Variants in GLIS3 observed in about 807,000 individuals in gnomAD.
GLIS3 encodes the protein zinc finger protein GLIS3.
A neutral mutation model predicts 78.6 loss-of-function variants in GLIS3; 53 were observed. That is an observed-to-expected ratio of 0.67 (90% CI 0.54 to 0.85). GLIS3 has a LOEUF of 0.85. GLIS3 is among the 40% of genes least tolerant of loss of function. GLIS3 has a pLI of 0.00. For synonymous variants in GLIS3, 684 were observed against 509.9 expected (o/e 1.34, Z -4.60); for missense variants, 1,703 against 1,231.1 (o/e 1.38, Z -5.74).
chr9:4,394,209 G>C, the GLIS3 span, among the ~76,000 whole-genome samples: 1 of 151,342 alleles, frequency 6.6e-6, no homozygotes, highest in East Asian at 1.9e-4. Context: ...GATGGCTTGA[G>C]GATTTTTAGA....
At chr9:4,380,923 G>A in the GLIS3 span, among the ~76,000 whole-genome samples, 1 of 152,078 alleles carries the variant, frequency 6.6e-6, no homozygotes, top group Non-Finnish European at 1.5e-5. Context: ...GAAAACAATG[G>A]AGGAAAATGT....
chr9:3,984,830 C>A (rs537708536), intron 4 of GLIS3, among the ~76,000 whole-genome samples: 1 of 152,256 alleles, frequency 6.6e-6, no homozygotes, highest in African/African-American at 2.4e-5. Flanking sequence ...GGGGGCGTGT[C>A]TTCCCTGCAC....
the GLIS3 span, among the ~76,000 whole-genome samples, chr9:4,408,240 T>A: frequency 6.6e-6 from 1 of 152,028 alleles, no homozygotes; most frequent in African/African-American, 2.4e-5. Flanking sequence ...AGCTACCATA[T>A]GACCCAGCAA....
intron 2 of GLIS3, among the ~76,000 whole-genome samples, chr9:4,246,961 G>A (rs1204749546): frequency 6.6e-6 from 1 of 152,216 alleles, no homozygotes; most frequent in Non-Finnish European, 1.5e-5. Flanking sequence ...CTCACAGCTA[G>A]TTTGATTTAA....
upstream of GLIS3, among the ~76,000 whole-genome samples, chr9:4,302,054 G>A: frequency 6.6e-6 from 1 of 151,082 alleles, no homozygotes; most frequent in Middle Eastern, 3.2e-3. Context: ...ATGGGTTATA[G>A]TAAAAATGCA....
At chr9:4,102,458 CA>C (rs1830441701) in intron 4 of GLIS3, among the ~76,000 whole-genome samples, 1 of 152,104 alleles carries the variant, frequency 6.6e-6, no homozygotes, top group Non-Finnish European at 1.5e-5. Context: ...GTTTCTCAAC[CA>C]GGGGCAGTTT....
chr9:4,177,513 T>TC (rs1816917029), intron 2 of GLIS3, among the ~76,000 whole-genome samples: 1 of 152,118 alleles, frequency 6.6e-6, no homozygotes, highest in Non-Finnish European at 1.5e-5. Context: ...CAAGATACCC[T>TC]CCCTTCTCCT....
intron 6 of GLIS3, among the ~76,000 whole-genome samples, chr9:3,904,209 T>C (rs1823509896): frequency 6.6e-6 from 1 of 152,190 alleles, no homozygotes; most frequent in Non-Finnish European, 1.5e-5. Context: ...TACTGTGGAA[T>C]TCTCTTGATG....
chr9:4,244,205 A>C (rs768300571), intron 2 of GLIS3, among the ~76,000 whole-genome samples: 4 of 152,200 alleles, frequency 2.6e-5, no homozygotes, highest in African/African-American at 4.8e-5. Flanking sequence ...TAAATCTCTC[A>C]ATCAACTCAC....
intron 3 of GLIS3, chr9:4,123,602 T>C (rs1233830002): frequency 1.4e-5 from 5 of 362,118 alleles, no homozygotes; most frequent in African/African-American, 1.0e-4. Flanking sequence ...GAAGAAGCCA[T>C]TATATGATGT....
the GLIS3 span, among the ~76,000 whole-genome samples, chr9:4,401,445 G>A: frequency 6.6e-6 from 1 of 150,468 alleles, no homozygotes; most frequent in Non-Finnish European, 1.5e-5. Flanking sequence ...TTTTTTTTTA[G>A]TAGAGATGGG....
chr9:4,341,279 C>T (rs1817830966), intron 2 of GLIS3, among the ~76,000 whole-genome samples: 1 of 152,218 alleles, frequency 6.6e-6, no homozygotes, highest in South Asian at 2.1e-4. Flanking sequence ...TTAAAGCTCT[C>T]CTGGCTTGCA....
At chr9:4,283,044 A>G (rs962199778) in intron 2 of GLIS3, among the ~76,000 whole-genome samples, 6 of 151,908 alleles carry the variant, frequency 3.9e-5, no homozygotes, top group South Asian at 2.1e-4. Context: ...CCTTCCCAGA[A>G]TAAGTCCCAG....
chr9:4,407,681 G>A, the GLIS3 span, among the ~76,000 whole-genome samples: 1 of 152,072 alleles, frequency 6.6e-6, no homozygotes, highest in African/African-American at 2.4e-5. Context: ...GAAAACATTG[G>A]AAAAACTATC....
chr9:3,850,253 G>A (rs968054999), intron 9 of GLIS3, among the ~76,000 whole-genome samples: 3 of 152,188 alleles, frequency 2.0e-5, no homozygotes, highest in Non-Finnish European at 2.9e-5. Flanking sequence ...TGCACAGGAA[G>A]GCGTGTGATC....
intron 2 of GLIS3, among the ~76,000 whole-genome samples, chr9:4,207,699 G>C (rs1223034781): frequency 6.6e-6 from 1 of 152,186 alleles, no homozygotes; most frequent in Non-Finnish European, 1.5e-5. Flanking sequence ...AAGCAGGAGA[G>C]AGAGGATATA....
chr9:4,027,696 C>CA (rs1322306675), intron 4 of GLIS3, among the ~76,000 whole-genome samples: 26 of 152,326 alleles, frequency 1.7e-4, no homozygotes, highest in African/African-American at 5.8e-4. Flanking sequence ...GAAATCATTT[C>CA]AGCAATCACA....
intron 2 of GLIS3, among the ~76,000 whole-genome samples, chr9:4,338,104 A>T (rs12336020): frequency 0.23 from 34,146 of 151,044 alleles, 4,803 homozygotes; most frequent in African/African-American, 0.39. Context: ...CCATAGCATG[A>T]CTTCTTTTCA....
At chr9:4,336,409 G>T (rs960336192) in intron 2 of GLIS3, among the ~76,000 whole-genome samples, 1 of 152,110 alleles carries the variant, frequency 6.6e-6, no homozygotes, top group Non-Finnish European at 1.5e-5. Flanking sequence ...CAATACTCTG[G>T]GTGGCAGTTC....
Sources: allele counts gnomAD v4.1 joint callset (sites outside exome capture counted in the v4.1 genomes callset), GRCh38; gene constraint gnomAD v4.1.1; transcripts MANE v1.5; gene names NCBI Gene and HGNC (gene_info 2026-07-23, HGNC 2026-07-21).